Variants in LRP1B observed in about 807,000 individuals in gnomAD.
The protein encoded by LRP1B is LDL receptor related protein 1B.
A neutral mutation model predicts 556.6 loss-of-function variants in LRP1B; 217 were observed. The observed-to-expected ratio is 0.39, with a 90% CI of 0.35 to 0.44. LRP1B has a LOEUF of 0.44. Ranked by LOEUF, LRP1B falls within the 20% of genes least tolerant of loss-of-function variation. The pLI is 1.00. For synonymous variants in LRP1B, 2,047 were observed against 1,865.8 expected (o/e 1.10, Z -2.50); for missense variants, 5,053 against 5,620.8 (o/e 0.90, Z 3.23).
chr2:140,782,830 G>A (rs1042949473), intron 32 of LRP1B, among the ~76,000 whole-genome samples: 81 of 152,178 alleles, frequency 5.3e-4, no homozygotes, highest in African/African-American at 1.8e-3. Context: ...AAATACAATT[G>A]TCTTATTTCA....
intron 52 of LRP1B, among the ~76,000 whole-genome samples, chr2:140,508,879 T>A (rs6744482): frequency 0.045 from 6,798 of 152,188 alleles, 389 homozygotes; most frequent in African/African-American, 0.14. Flanking sequence ...GATCCCTGAA[T>A]TGATGCATAA....
At chr2:140,666,045 G>C (rs1039619921) in intron 41 of LRP1B, among the ~76,000 whole-genome samples, 1 of 150,154 alleles carries the variant, frequency 6.7e-6, no homozygotes, top group Non-Finnish European at 1.5e-5. Context: ...CCAAGCTAGA[G>C]TGCAGTGGCA....
chr2:141,509,393 T>C (rs956045909), intron 2 of LRP1B, among the ~76,000 whole-genome samples: 5 of 152,174 alleles, frequency 3.3e-5, no homozygotes, highest in Non-Finnish European at 5.9e-5. Context: ...TCCCTGCCAT[T>C]TGGCCAGCAA....
At chr2:140,388,199 C>T (rs1170209805) in intron 66 of LRP1B, among the ~76,000 whole-genome samples, 1 of 151,986 alleles carries the variant, frequency 6.6e-6, no homozygotes. Flanking sequence ...AGCCTCCCAA[C>T]GTGTTGGGAT....
intron 2 of LRP1B, among the ~76,000 whole-genome samples, chr2:141,510,758 C>T (rs1004740826): frequency 1.3e-5 from 2 of 150,656 alleles, no homozygotes; most frequent in East Asian, 1.9e-4. Flanking sequence ...TGCTCAGTTA[C>T]TGATTTCTTC....
In LRP1B at chr2:141,907,391, T is replaced by A. The variant is rs567265098; in HGVS notation, c.83-96990A>T. Among the ~76,000 whole-genome samples the A allele has an allele frequency of 9.2e-5, 14 of 152,120 alleles. No individual in the cohort carries two copies. The East Asian group carries it at 2.7e-3, about 29-fold the overall frequency. On this transcript the variant is annotated intron_variant, in intron 1 of 90. Coordinates refer to ENST00000389484, the MANE Select transcript of LRP1B (RefSeq NM_018557.3). ...ATTTTAAATCTAAATGTGAATATAA[T>A]TTTTAAAAGTCAGTACAGTCATCAG...
chr2:141,249,423 C>T (rs1056879430), intron 4 of LRP1B, among the ~76,000 whole-genome samples: 4 of 152,010 alleles, frequency 2.6e-5, no homozygotes, highest in Admixed American at 2.0e-4. Flanking sequence ...ATGGCGAAGC[C>T]CTTTCTCCAC....
intron 62 of LRP1B, 27 bp from the exon 63 acceptor site, chr2:140,450,688 A>T (rs1344826529): frequency 2.0e-6 from 3 of 1,519,464 alleles, no homozygotes; most frequent in Non-Finnish European, 2.7e-6. Context: ...AGAAAAAAAA[A>T]TGTTGAAGAA....
chr2:141,366,470 C>T (rs1689038552), intron 3 of LRP1B, among the ~76,000 whole-genome samples: 1 of 152,162 alleles, frequency 6.6e-6, no homozygotes, highest in African/African-American at 2.4e-5. Context: ...CTCAAAATAG[C>T]TTCAATGTTC....
intron 2 of LRP1B, among the ~76,000 whole-genome samples, chr2:141,804,257 A>G (rs1255349891): frequency 6.6e-6 from 1 of 152,154 alleles, no homozygotes. Flanking sequence ...TTCCCTAACA[A>G]GAGCTAACAT....
intron 60 of LRP1B, among the ~76,000 whole-genome samples, chr2:140,464,568 T>A (rs11891221): frequency 0.32 from 48,701 of 152,060 alleles, 8,333 homozygotes; most frequent in African/African-American, 0.35. Flanking sequence ...CTAAAAATAC[T>A]TTAGTAGGAT....
At chr2:141,062,317 G>T in intron 7 of LRP1B, 44 bp from the exon 8 acceptor site, 1 of 1,374,654 alleles carries the variant, frequency 7.3e-7, no homozygotes, top group Non-Finnish European at 1.0e-6. Flanking sequence ...GTGGGGGAGG[G>T]AAGCACGTTT....
At chr2:140,317,547 A>T (rs1684579742) in intron 82 of LRP1B, among the ~76,000 whole-genome samples, 1 of 152,150 alleles carries the variant, frequency 6.6e-6, no homozygotes, top group South Asian at 2.1e-4. Context: ...TTGCAAATGT[A>T]AGTGGGAATC....
intron 1 of LRP1B, among the ~76,000 whole-genome samples, chr2:141,817,996 T>G (rs1000790930): frequency 5.3e-5 from 8 of 152,142 alleles, no homozygotes; most frequent in Non-Finnish European, 8.8e-5. Context: ...ATAGATACAA[T>G]CTTCTGAACA....
chr2:140,959,890 C>T (rs757153206), intron 18 of LRP1B, among the ~76,000 whole-genome samples: 13 of 151,662 alleles, frequency 8.6e-5, no homozygotes, highest in Non-Finnish European at 1.5e-4. Context: ...CAAATTCATA[C>T]ACTGCAATTA....
intron 86 of LRP1B, among the ~76,000 whole-genome samples, chr2:140,258,870 T>A (rs1681810864): frequency 6.6e-6 from 1 of 152,172 alleles, no homozygotes; most frequent in African/African-American, 2.4e-5. Context: ...TGAAAAATCT[T>A]TGTCTTCCTT....
chr2:140,595,356 CAAGCACACTA>C (rs1357011094), intron 43 of LRP1B, among the ~76,000 whole-genome samples: 1 of 151,628 alleles, frequency 6.6e-6, no homozygotes, highest in Non-Finnish European at 1.5e-5. Context: ...AATCTAGGTA[CAAGCACACTA>C]AATGATAGTG....
At chr2:140,697,824 A>C (rs1483370704) in intron 41 of LRP1B, among the ~76,000 whole-genome samples, 1 of 152,100 alleles carries the variant, frequency 6.6e-6, no homozygotes, top group Non-Finnish European at 1.5e-5. Context: ...TTTCTATTTG[A>C]AGTGATGAAA....
At chr2:142,031,348 T>TTTTTTTTTTTTTTTTTTTTTTTC (rs1703699669) in intron 1 of LRP1B, among the ~76,000 whole-genome samples, 1 of 126,530 alleles carries the variant, frequency 7.9e-6, no homozygotes, top group African/African-American at 2.9e-5. Context: ...TTTTTTTTTT[T>TTTTTTTTTTTTTTTTTTTTTTTC]ATTATACTCT....
Sources: gnomAD v4.1 joint callset for allele counts (sites outside exome capture counted in the v4.1 genomes callset) on GRCh38, gnomAD v4.1.1 for gene constraint, MANE v1.5 for transcripts, NCBI Gene and HGNC (gene_info 2026-07-23, HGNC 2026-07-21) for gene names.